DEPDC1B: variants seen among roughly 807,000 people sequenced by gnomAD.
DEPDC1B encodes DEP domain containing 1B, also known as DEP domain-containing protein 1B.
In DEPDC1B, 51 loss-of-function variants were observed where a neutral mutation model predicts 66.5. That is an observed-to-expected ratio of 0.77 (90% CI 0.61 to 0.97). The LOEUF (loss-of-function observed/expected upper bound fraction) is 0.97. DEPDC1B is among the 50% of genes least tolerant of loss of function. DEPDC1B has a pLI of 0.00. For missense variants in DEPDC1B, 552 were observed against 637.1 expected (o/e 0.87, Z 1.44); for synonymous variants, 226 against 223.6 (o/e 1.01, Z -0.10).
intron 7 of DEPDC1B, among the ~76,000 whole-genome samples, chr5:60,607,258 G>A (rs993573272): frequency 4.6e-5 from 7 of 152,110 alleles, no homozygotes; most frequent in Non-Finnish European, 1.0e-4. Flanking sequence ...AAGGAGATTG[G>A]GTTTGATCCC....
intron 2 of DEPDC1B, among the ~76,000 whole-genome samples, chr5:60,673,051 C>T (rs1001472165): frequency 2.6e-5 from 4 of 152,124 alleles, no homozygotes; most frequent in Non-Finnish European, 4.4e-5. Flanking sequence ...TCTTTCACAG[C>T]CTTATCTCCC....
intron 1 of DEPDC1B, 62 bp downstream of exon 1, chr5:60,699,984 G>A: frequency 3.3e-6 from 5 of 1,535,484 alleles, no homozygotes; most frequent in Non-Finnish European, 4.4e-6. Flanking sequence ...CACTCTGTCC[G>A]CGCGCTGAGT....
chr5:60,615,957 G>A (rs979969288), intron 7 of DEPDC1B, among the ~76,000 whole-genome samples: 15 of 152,306 alleles, frequency 9.8e-5, no homozygotes, highest in African/African-American at 2.9e-4. Context: ...CCAAAGGAAC[G>A]ATCAGGCAGC....
intron 1 of DEPDC1B, among the ~76,000 whole-genome samples, chr5:60,694,949 T>C (rs1754622180): frequency 6.6e-6 from 1 of 152,216 alleles, no homozygotes; most frequent in Non-Finnish European, 1.5e-5. Flanking sequence ...TTGTAGATGT[T>C]GATGTTTTTA....
At chr5:60,671,323 T>G (rs2111985616) in intron 2 of DEPDC1B, among the ~76,000 whole-genome samples, 1 of 152,304 alleles carries the variant, frequency 6.6e-6, no homozygotes, top group African/African-American at 2.4e-5. Flanking sequence ...AGCGGATCTG[T>G]GAAGCACAAG....
intron 1 of DEPDC1B, among the ~76,000 whole-genome samples, chr5:60,697,279 GAAA>G (rs59337855): frequency 1.3e-5 from 2 of 151,826 alleles, no homozygotes; most frequent in East Asian, 4.0e-4. Context: ...TGGTGCTTTA[GAAA>G]AAGCACCAAA....
chr5:60,668,015 A>ATATATATATAAAATGGATATTTTC (rs1753917995), intron 2 of DEPDC1B, among the ~76,000 whole-genome samples: 1 of 107,880 alleles, frequency 9.3e-6, no homozygotes, highest in Non-Finnish European at 1.7e-5. Context: ...TGGATATTTT[A>ATATATATATAAAATGGATATTTTC]TATATATATA....
chr5:60,623,775 T>C (rs1198221685), intron 7 of DEPDC1B, among the ~76,000 whole-genome samples: 1 of 152,170 alleles, frequency 6.6e-6, no homozygotes. Flanking sequence ...GAGTATTCCA[T>C]GTTTTTTGGT....
At chr5:60,629,084 C>T (rs1441126988) in intron 7 of DEPDC1B, among the ~76,000 whole-genome samples, 2 of 152,172 alleles carry the variant, frequency 1.3e-5, no homozygotes, top group Non-Finnish European at 2.9e-5. Flanking sequence ...GCTCCGGTAC[C>T]TGGCCCTGAC....
rs1370691100 is a variant in DEPDC1B, at chr5:60,636,389, AAAGG to A, written c.898+2357_898+2360del. ...CACCAAGCCCAACCGTGCCACAAGC[AAAGG>A]AAGAAACCTCAAAAGAAGTTTATTA... On this transcript the variant is annotated intron_variant, in intron 7 of 10. Transcript: ENST00000265036. 2.6e-5 allele frequency among the ~76,000 whole-genome samples: 4 copies of A among 152,328 alleles called. No homozygotes were observed. The Middle Eastern group carries it at 0.01, about 389-fold the overall frequency.
chr5:60,644,087 C>T (rs981672582), intron 5 of DEPDC1B, among the ~76,000 whole-genome samples: 1 of 152,162 alleles, frequency 6.6e-6, no homozygotes, highest in Non-Finnish European at 1.5e-5. Context: ...AAAGGAAGAA[C>T]AAATCAATGA....
chr5:60,605,729 C>G lies in DEPDC1B; in HGVS notation c.1026G>C (p.Glu342Asp). 1 of 1,613,062 alleles carries G rather than the reference C, an allele frequency of 6.2e-7. No homozygotes were observed. The highest frequency in any genetic ancestry group is 8.5e-7 in the Non-Finnish European group (1 of 1,179,432). Residue 342 changes from glutamate to aspartate, a missense_variant, in exon 8 of 11, where the codon GAG (glutamate) becomes GAC (aspartate). Glu to Asp is a conservative substitution (Grantham distance 45). Transcript: ENST00000265036. Reference sequence around the variant, plus strand: ...CAAAGCCATCACACAGGGGTGGCATCTCTTTGTTTAAGCAAATCCTTGCCA... The same window carrying G: ...CAAAGCCATCACACAGGGGTGGCATGTCTTTGTTTAAGCAAATCCTTGCCA... ...RMMARICLNK[E>D]MPPLCDGFGT...
chr5:60,686,000 C>T (rs1273272684), intron 2 of DEPDC1B, among the ~76,000 whole-genome samples: 1 of 152,138 alleles, frequency 6.6e-6, no homozygotes. Context: ...GATCCTAATG[C>T]ACAGCAATGT....
chr5:60,670,102 A>C (rs1753994439), intron 2 of DEPDC1B, among the ~76,000 whole-genome samples: 1 of 152,158 alleles, frequency 6.6e-6, no homozygotes, highest in Non-Finnish European at 1.5e-5. Context: ...TAAATATAAC[A>C]GGCAGGGCGC....
chr5:60,618,215 A>G (rs1257309347), intron 7 of DEPDC1B, among the ~76,000 whole-genome samples: 2 of 152,282 alleles, frequency 1.3e-5, no homozygotes, highest in East Asian at 1.9e-4. Flanking sequence ...CCCTAACATC[A>G]CAATTAAAAG....
intron 2 of DEPDC1B, among the ~76,000 whole-genome samples, chr5:60,672,108 T>G (rs1400818559): frequency 6.6e-6 from 1 of 152,212 alleles, no homozygotes; most frequent in Middle Eastern, 3.2e-3. Flanking sequence ...CCTTTTCAGA[T>G]CAAGTTTGTT....
At chr5:60,680,934 A>G (rs1227998994) in intron 2 of DEPDC1B, among the ~76,000 whole-genome samples, 1 of 151,862 alleles carries the variant, frequency 6.6e-6, no homozygotes, top group Non-Finnish European at 1.5e-5. Context: ...TCAAATCCTG[A>G]CTCTTCTACC....
intron 8 of DEPDC1B, among the ~76,000 whole-genome samples, chr5:60,604,725 T>A (rs1752275428): frequency 6.6e-6 from 1 of 152,196 alleles, no homozygotes; most frequent in African/African-American, 2.4e-5. Flanking sequence ...AGAGAATTTT[T>A]TGCCTGGAGA....
chr5:60,647,694 A>T, intron 2 of DEPDC1B, 161 bp from the exon 3 acceptor site: 3 of 578,968 alleles, frequency 5.2e-6, no homozygotes, highest in South Asian at 4.1e-5. Flanking sequence ...GCTCTATACC[A>T]TACCTGATAA....
Sources: gnomAD v4.1 joint callset for allele counts (sites outside exome capture counted in the v4.1 genomes callset) on GRCh38, gnomAD v4.1.1 for gene constraint, MANE v1.5 for transcripts, NCBI Gene and HGNC (gene_info 2026-07-23, HGNC 2026-07-21) for gene names.